Variants in USP32 observed in about 807,000 individuals in gnomAD.
The protein encoded by USP32 is ubiquitin carboxyl-terminal hydrolase 32.
Under a neutral mutation model 204.8 loss-of-function variants are expected in USP32, and 59 were observed. The ratio of observed to expected loss-of-function variants is 0.29; its 90% CI spans 0.23 to 0.36. USP32 has a LOEUF of 0.36. Among genes scored for constraint, USP32 ranks in the 10% least tolerant of loss-of-function variants. The pLI, the probability that USP32 is intolerant of heterozygous loss-of-function variation, is 1.00. For synonymous variants in USP32, 517 were observed against 678.4 expected (o/e 0.76, Z 3.70); for missense variants, 1,160 against 1,946.4 (o/e 0.60, Z 7.60).
chr17:60,297,628 A>G (rs2087467545), intron 3 of USP32, among the ~76,000 whole-genome samples: 1 of 151,568 alleles, frequency 6.6e-6, no homozygotes, highest in Non-Finnish European at 1.5e-5. Context: ...TTTAGTAGAG[A>G]CGGGGTTTCA....
intron 2 of USP32, among the ~76,000 whole-genome samples, chr17:60,336,431 A>G (rs868190464): frequency 7.0e-6 from 1 of 143,090 alleles, no homozygotes; most frequent in Non-Finnish European, 1.5e-5. Context: ...AAAGAAATGA[A>G]TTGGCCGGGC....
At chr17:60,421,289 C>T (rs1386317834) in intron 1 of USP32, 1 of 853,200 alleles carries the variant, frequency 1.2e-6, no homozygotes, top group Non-Finnish European at 1.4e-6. Context: ...GTTTGCTGAA[C>T]ATGCTGGCAT....
intron 2 of USP32, among the ~76,000 whole-genome samples, chr17:60,326,360 G>C (rs1344545721): frequency 6.6e-6 from 1 of 151,238 alleles, no homozygotes; most frequent in Non-Finnish European, 1.5e-5. Flanking sequence ...GCCCCGGCTC[G>C]AGTGGAATGG....
At chr17:60,414,622 T>G (rs1021146163) in intron 1 of USP32, among the ~76,000 whole-genome samples, 125 of 151,222 alleles carry the variant, frequency 8.3e-4, no homozygotes, top group African/African-American at 2.2e-3. Flanking sequence ...AGAGACGGGG[T>G]TTTGCCATGT....
chr17:60,308,142 C>G (rs1412540483), intron 2 of USP32, among the ~76,000 whole-genome samples: 2 of 152,194 alleles, frequency 1.3e-5, no homozygotes, highest in Non-Finnish European at 2.9e-5. Context: ...TCCAAGCCCA[C>G]ATGTGATCCG....
At chr17:60,383,751 T>C (rs2089684904) in intron 1 of USP32, among the ~76,000 whole-genome samples, 1 of 152,218 alleles carries the variant, frequency 6.6e-6, no homozygotes, top group Non-Finnish European at 1.5e-5. Flanking sequence ...AACAAGAAGA[T>C]GGCTAGTGTA....
rs1238562196 is a variant in USP32, at chr17:60,391,963, G to C, written c.-24C>G. 4.4e-6 allele frequency: 7 copies of C among 1,606,890 alleles called. No homozygotes were observed. The highest frequency in any genetic ancestry group is 5.1e-6 in the Non-Finnish European group (6 of 1,177,060). ...ATGCTCCCCTCATCCCCTCGGCGGG[G>C]GGTCGGAGCCTGATCTCGCCCCCAC... On this transcript the variant is annotated 5_prime_UTR_variant, in exon 1 of 34. Transcript: ENST00000300896.
intron 9 of USP32, among the ~76,000 whole-genome samples, chr17:60,260,273 C>A (rs1163843900): frequency 6.6e-6 from 1 of 152,124 alleles, no homozygotes; most frequent in Non-Finnish European, 1.5e-5. Flanking sequence ...GTAATCCCAG[C>A]ACTTTGGGAG....
Position 60,268,340 on chromosome 17 carries a change from G to A in USP32, c.811+1110C>T, listed in dbSNP as rs997479951. On this transcript the variant is annotated intron_variant, in intron 7 of 33. Coordinates refer to ENST00000300896, the MANE Select transcript of USP32 (RefSeq NM_032582.4). ...CCCCAACACTTTGGAAGGCTGAGGT[G>A]GGCGGATCATTTAAGGCCAGAGGTT... Among the ~76,000 whole-genome samples the A allele has an allele frequency of 2.6e-5, 4 of 151,814 alleles. No homozygotes were observed. In the South Asian group the frequency reaches 8.3e-4, roughly 32 times the overall value.
At chr17:60,302,142 T>C (rs1310620002) in intron 2 of USP32, among the ~76,000 whole-genome samples, 2 of 142,262 alleles carry the variant, frequency 1.4e-5, no homozygotes, top group African/African-American at 2.8e-5. Context: ...TATTTATTTA[T>C]TTATTTATTT....
chr17:60,358,447 T>C (rs922171380), intron 1 of USP32, among the ~76,000 whole-genome samples: 3 of 151,922 alleles, frequency 2.0e-5, no homozygotes, highest in African/African-American at 7.3e-5. Flanking sequence ...TGGTGGCGGG[T>C]ACCTGTAGTC....
chr17:60,308,334 G>T (rs2087777069), intron 2 of USP32, among the ~76,000 whole-genome samples: 1 of 152,086 alleles, frequency 6.6e-6, no homozygotes. Context: ...TGCTGCCCCT[G>T]GTGTCAGAGA....
At chr17:60,179,571 GC>G (rs2084047182) in intron 33 of USP32, 143 bp from the exon 34 acceptor site, 1 of 1,030,946 alleles carries the variant, frequency 9.7e-7, no homozygotes, top group Non-Finnish European at 1.4e-6. Context: ...TCTCACACCT[GC>G]CCCTTTAAGA....
intron 2 of USP32, among the ~76,000 whole-genome samples, chr17:60,303,984 G>A (rs1339958888): frequency 6.6e-6 from 1 of 151,952 alleles, no homozygotes; most frequent in Admixed American, 6.6e-5. Flanking sequence ...AAAAGAGAAT[G>A]GGGCAAAATA....
rs1350647052 is a variant in USP32 at position 60,317,446 on chromosome 17, G to T, written c.187-15742C>A. On this transcript the variant is annotated intron_variant, in intron 2 of 33. Coordinates refer to ENST00000300896, the MANE Select transcript of USP32 (RefSeq NM_032582.4). ...TGGGAGGATTACTTGAGCCAAGGAG[G>T]TCAAGGCTACAGTGAACCATGATCA... Among the ~76,000 whole-genome samples the T allele has an allele frequency of 2.6e-5, 4 of 151,318 alleles. No homozygotes were observed. The East Asian group carries it at 5.8e-4, about 22-fold the overall frequency.
intron 1 of USP32, among the ~76,000 whole-genome samples, chr17:60,410,635 G>A (rs1358403320): frequency 6.6e-6 from 1 of 151,914 alleles, no homozygotes; most frequent in African/African-American, 2.4e-5. Flanking sequence ...ACCACTGCAC[G>A]CCAGCCTGGG....
intron 1 of USP32, among the ~76,000 whole-genome samples, chr17:60,349,624 T>TAA (rs1491225872): frequency 3.3e-5 from 2 of 60,256 alleles, no homozygotes; most frequent in Non-Finnish European, 5.3e-5. Flanking sequence ...TATATATATA[T>TAA]TATATATATA....
chr17:60,332,989 A>G (rs2088427393), intron 2 of USP32, among the ~76,000 whole-genome samples: 1 of 152,216 alleles, frequency 6.6e-6, no homozygotes. Flanking sequence ...CATTTTCAAG[A>G]TATTTCTATT....
At chr17:60,394,322 G>A (rs989120170), upstream of USP32, among the ~76,000 whole-genome samples, 7 of 152,162 alleles carry the variant, frequency 4.6e-5, no homozygotes, top group African/African-American at 1.7e-4. Context: ...GAGTTCAATT[G>A]CAACATATAC....
Sources: allele counts gnomAD v4.1 joint callset (sites outside exome capture counted in the v4.1 genomes callset), GRCh38; gene constraint gnomAD v4.1.1; transcripts MANE v1.5; gene names NCBI Gene and HGNC (gene_info 2026-07-23, HGNC 2026-07-21).